The following RANBP3 variants were observed in gnomAD, a reference collection of about 807,000 sequenced individuals.
The protein encoded by RANBP3 is RAN binding protein 3.
RANBP3 carries 14 observed loss-of-function variants against 77.3 expected under a neutral mutation model. That is an observed-to-expected ratio of 0.18 (90% CI 0.12 to 0.28). The LOEUF (loss-of-function observed/expected upper bound fraction) is 0.28. Among genes scored for constraint, RANBP3 ranks in the 10% least tolerant of loss-of-function variants. RANBP3 has a pLI of 1.00. For missense variants in RANBP3, 586 were observed against 752.3 expected (o/e 0.78, Z 2.59); for synonymous variants, 315 against 312.4 (o/e 1.01, Z -0.09).
intron 1 of RANBP3, among the ~76,000 whole-genome samples, chr19:5,961,143 C>T (rs546284100): frequency 6.6e-6 from 1 of 152,328 alleles, no homozygotes; most frequent in African/African-American, 2.4e-5. Flanking sequence ...ATGAAACACA[C>T]ACTTAAAACT....
rs369323689 is a variant in RANBP3 at position 5,925,779 on chromosome 19, G to C, written c.814-42C>G. On this transcript the variant is annotated intron_variant, in intron 9 of 16. Transcript: ENST00000340578. The stretch of plus-strand genomic sequence containing the variant: ...GCGCTCAGTAATCGGGGGTGGGGGG[G>C]TGCCTGGAGTTCCACAGCTCAGTGT... The C allele has an allele frequency of 2.0e-6, 3 of 1,528,468 alleles. 1 individual carries two copies. The Admixed American group carries it at 5.0e-5, about 26-fold the overall frequency. 94.7% of individuals were successfully genotyped at this position (1,528,468 alleles called of 1,614,324 possible).
intron 2 of RANBP3, 122 bp downstream of exon 2, chr19:5,957,796 G>C: frequency 2.9e-6 from 3 of 1,042,158 alleles, no homozygotes; most frequent in East Asian, 2.4e-5. Context: ...AAAGGCCTCT[G>C]CTTAGGTCTC....
chr19:5,936,497 C>T (rs774860729), intron 5 of RANBP3, among the ~76,000 whole-genome samples: 3 of 152,166 alleles, frequency 2.0e-5, no homozygotes, highest in African/African-American at 4.8e-5. Context: ...CGCGGAGGGC[C>T]GGGAGCAGGG....
In RANBP3 at chr19:5,941,507, A is replaced by G. The variant is rs1458694995; in HGVS notation, c.406+114T>C. ...CTGACAGAGCCCGAGCCTCAGATCG[A>G]CTCTAACCGGAGCTGGGCAGGAAGG... On this transcript the variant is annotated intron_variant, in intron 5 of 16. Coordinates refer to ENST00000340578, the MANE Select transcript of RANBP3 (RefSeq NM_007322.3). The G allele has an allele frequency of 5.3e-6, 5 of 941,892 alleles. No homozygotes were observed. In the East Asian group the frequency reaches 1.2e-4, roughly 23 times the overall value. 58.3% of individuals were successfully genotyped at this position (941,892 alleles called of 1,614,324 possible). A position where few individuals can be genotyped will look rare whatever the true frequency, so the allele number is the denominator to read the frequency against.
At chr19:5,926,375 C>A (rs1364561916) in intron 9 of RANBP3, among the ~76,000 whole-genome samples, 1 of 151,986 alleles carries the variant, frequency 6.6e-6, no homozygotes, top group Non-Finnish European at 1.5e-5. Context: ...ATGGAGAAAT[C>A]CCCACCTCTA....
intron 1 of RANBP3, among the ~76,000 whole-genome samples, chr19:5,971,415 C>A (rs990445234): frequency 6.6e-6 from 1 of 152,088 alleles, no homozygotes; most frequent in Non-Finnish European, 1.5e-5. Context: ...CCTCCCACCT[C>A]AGCCTCCCAA....
chr19:5,920,673 G>A (rs933653884), intron 14 of RANBP3, among the ~76,000 whole-genome samples: 1 of 152,106 alleles, frequency 6.6e-6, no homozygotes, highest in African/African-American at 2.4e-5. Context: ...TCAGCCTCCC[G>A]AGTAGCTGGG....
rs2057883199 is a variant in RANBP3 at position 5,924,998 on chromosome 19, G to A, written c.918-93C>T. 3.4e-6 allele frequency: 4 copies of A among 1,188,330 alleles called. No homozygotes were observed. The African/African-American group carries it at 4.5e-5, about 13-fold the overall frequency. 73.6% of individuals were successfully genotyped at this position (1,188,330 alleles called of 1,614,324 possible). A position where few individuals can be genotyped will look rare whatever the true frequency, so the allele number is the denominator to read the frequency against. On this transcript the variant is annotated intron_variant, in intron 10 of 16. Transcript: ENST00000340578. This position sits in a 1 kb window ranked among gnomAD's most constrained non-coding sequence, Gnocchi z 4.7. ...CCCATGGAGCACACACTGACACAGA[G>A]GGCACAGTGGAGGGGCCTCCGCCAC...
At chr19:5,954,090 T>C (rs778979515) in intron 2 of RANBP3, among the ~76,000 whole-genome samples, 18 of 152,168 alleles carry the variant, frequency 1.2e-4, no homozygotes, top group Non-Finnish European at 2.6e-4. Context: ...GGCAGCTTCA[T>C]GTCTTTCTTT....
At chr19:5,925,544 G>T in intron 10 of RANBP3, 90 bp downstream of exon 10, 1 of 1,142,262 alleles carries the variant, frequency 8.8e-7, no homozygotes, top group Non-Finnish European at 1.3e-6. Flanking sequence ...CCTGAGTCGG[G>T]CACGGGGACC....
chr19:5,936,691 C>G (rs2058068810), intron 5 of RANBP3, among the ~76,000 whole-genome samples: 1 of 152,186 alleles, frequency 6.6e-6, no homozygotes, highest in Admixed American at 6.5e-5. Flanking sequence ...CTCAAATGAA[C>G]AACGGGGACC....
Position 5,927,993 on chromosome 19 carries a change from C to A in RANBP3, c.788G>T (p.Gly263Val). ...DPATQQAFVF[G>V]QNLRDRVKLI... ...CTTAACTCTGTCCCTCAAGTTCTGCCCAAATACAAAGGCTTGCTGTGTGGC... is the reference window on the plus strand; with the variant it reads ...CTTAACTCTGTCCCTCAAGTTCTGCACAAATACAAAGGCTTGCTGTGTGGC... Residue 263 changes from glycine to valine, a missense_variant, in exon 9 of 17, where the codon GGG becomes GTG. Around this residue, in one of 5 missense-constraint regions of RANBP3, gnomAD observed 232 missense variants for 271.7 expected, o/e 0.85. Transcript: ENST00000340578. The A allele has an allele frequency of 6.2e-7, 1 of 1,613,530 alleles. No homozygotes were observed. Among genetic ancestry groups the A allele is most frequent in the Non-Finnish European group, 8.5e-7 (1 of 1,179,716 alleles).
At position 5,930,608 on chromosome 19, in the gene RANBP3, G is replaced by A. The variant is rs542351268; in HGVS notation, c.693+796C>T. 1.4e-3 allele frequency among the ~76,000 whole-genome samples: 208 copies of A among 152,222 alleles called. No individual in the cohort carries two copies. The South Asian group carries it at 0.022, about 16-fold the overall frequency. ...TTTTAAGGCAGGGTCTGGCTCTGTC[G>A]TCCAGGCTGGAATGCAGTGGTGTGA... is the stretch of plus-strand genomic sequence containing the variant. On this transcript the variant is annotated intron_variant, in intron 8 of 16. Transcript: ENST00000340578.
intron 5 of RANBP3, among the ~76,000 whole-genome samples, chr19:5,938,952 A>C (rs986111602): frequency 4.6e-5 from 7 of 152,072 alleles, no homozygotes; most frequent in Non-Finnish European, 1.0e-4. Flanking sequence ...TGGGAGGCCG[A>C]GACAGGTGCA....
intron 3 of RANBP3, among the ~76,000 whole-genome samples, chr19:5,947,413 C>T (rs1483140991): frequency 2.0e-5 from 3 of 152,026 alleles, no homozygotes; most frequent in African/African-American, 7.2e-5. Context: ...GGAGCGAGGA[C>T]AGAAGCAGGA....
Position 5,923,795 on chromosome 19 carries a change from G to A in RANBP3, c.1099+17C>T, listed in dbSNP as rs748746492. On this transcript the variant is annotated intron_variant, in intron 12 of 16. Transcript: ENST00000340578. Reference sequence around the variant, plus strand: ...GACCTACCATGAGCCCCATGCTGTGGTGGGACGCTAACATACCTTTCTCAG... The same window carrying A: ...GACCTACCATGAGCCCCATGCTGTGATGGGACGCTAACATACCTTTCTCAG... 28 of 1,581,016 alleles carry A rather than the reference G, an allele frequency of 1.8e-5. No homozygotes were observed. The highest frequency in any genetic ancestry group is 8.8e-5 in the South Asian group (8 of 90,396).
At position 5,921,350 on chromosome 19, in the gene RANBP3, G is replaced by C. The variant is rs781130829; in HGVS notation, c.1210-29C>G. The C allele has an allele frequency of 1.2e-6, 2 of 1,611,086 alleles. No individual in the cohort carries two copies. Among genetic ancestry groups the C allele is most frequent in the South Asian group, 2.2e-5 (2 of 90,878 alleles). On this transcript the variant is annotated intron_variant, in intron 13 of 16. Coordinates refer to ENST00000340578, the MANE Select transcript of RANBP3 (RefSeq NM_007322.3). This position sits in a 1 kb window ranked among gnomAD's most constrained non-coding sequence, Gnocchi z 5.3. ...GAACACAGTGGCCGCCGGTAAGCAG[G>C]GACCCCAGCTGGTGTCCTGCTGCAG... is the stretch of plus-strand genomic sequence containing the variant.
In RANBP3 at chr19:5,952,420, T is replaced by C. The variant is rs2058286927; in HGVS notation, c.79-824A>G. On this transcript the variant is annotated intron_variant, in intron 2 of 16. Coordinates refer to ENST00000340578, the MANE Select transcript of RANBP3 (RefSeq NM_007322.3). This position sits in a 1 kb window ranked among gnomAD's most constrained non-coding sequence, Gnocchi z 4.1. ...GTACAACACCCAGCATCCTTTAAGG[T>C]GGTTCCTGGGACTCCAGCAGGGCTT... Among the ~76,000 whole-genome samples, 1 of 152,144 alleles carries C rather than the reference T, an allele frequency of 6.6e-6. No homozygotes were observed. The highest frequency in any genetic ancestry group is 1.5e-5 in the Non-Finnish European group (1 of 68,010).
chr19:5,944,696 C>T (rs1327248540), intron 3 of RANBP3, among the ~76,000 whole-genome samples: 3 of 152,224 alleles, frequency 2.0e-5, no homozygotes, highest in African/African-American at 7.2e-5. Flanking sequence ...GGCCAGCAGC[C>T]TCTGCACAGC....
Sources: gnomAD v4.1 joint callset for allele counts (sites outside exome capture counted in the v4.1 genomes callset) on GRCh38, gnomAD v4.1.1 for gene constraint, gnomAD v4.1.1 regional missense constraint, Gnocchi (gnomAD v3.1) non-coding constraint, MANE v1.5 for transcripts, NCBI Gene and HGNC (gene_info 2026-07-23, HGNC 2026-07-21) for gene names.